TLL2: variants seen among roughly 807,000 people sequenced by gnomAD.
The protein encoded by TLL2 is tolloid-like protein 2.
Under a neutral mutation model 123.0 loss-of-function variants are expected in TLL2, and 106 were observed. The observed-to-expected ratio is 0.86, with a 90% CI of 0.74 to 1.01. The LOEUF (loss-of-function observed/expected upper bound fraction) is 1.01. TLL2 is among the 50% of genes least tolerant of loss of function. The pLI is 0.00. For synonymous variants in TLL2, 494 were observed against 516.8 expected (o/e 0.96, Z 0.60); for missense variants, 1,332 against 1,336.7 (o/e 1.00, Z 0.06).
chr10:96,487,925 A>G (rs1589434904), intron 1 of TLL2, among the ~76,000 whole-genome samples: 1 of 152,304 alleles, frequency 6.6e-6, no homozygotes, highest in African/African-American at 2.4e-5. Flanking sequence ...AAGGAAAGTC[A>G]TCACACGGTG....
intron 17 of TLL2, among the ~76,000 whole-genome samples, chr10:96,377,498 C>T (rs11188740): frequency 0.11 from 16,812 of 152,282 alleles, 978 homozygotes; most frequent in South Asian, 0.14. Flanking sequence ...ATTTTCCATG[C>T]ATCCTCTCTT....
chr10:96,380,121 A>C (rs1846172647), intron 16 of TLL2, among the ~76,000 whole-genome samples: 1 of 152,208 alleles, frequency 6.6e-6, no homozygotes, highest in Admixed American at 6.5e-5. Flanking sequence ...GGAGGGGTAA[A>C]TTAATTAGAG....
At chr10:96,431,627 T>G (rs1846741612) in intron 4 of TLL2, among the ~76,000 whole-genome samples, 1 of 152,128 alleles carries the variant, frequency 6.6e-6, no homozygotes, top group Non-Finnish European at 1.5e-5. Flanking sequence ...CGCCCTGCTC[T>G]AGGTGTTGGA....
intron 9 of TLL2, among the ~76,000 whole-genome samples, chr10:96,406,337 TCTGGCCCAGGCTCAC>T (rs1332834089): frequency 6.6e-6 from 1 of 152,106 alleles, no homozygotes; most frequent in Non-Finnish European, 1.5e-5. Context: ...CAGTGGCTTG[TCTGGCCCAGGCTCAC>T]CTTTCCTCAT....
rs973902693 is a variant in TLL2, at chr10:96,444,586, T to C, written c.364+1505A>G. On this transcript the variant is annotated intron_variant, in intron 3 of 20. Transcript: ENST00000357947. ...ATATCTCTGTATATATATCAATGTA[T>C]GTGCATGGAGAAAAATATGAAGGCT... Among the ~76,000 whole-genome samples the C allele has an allele frequency of 3.9e-5, 6 of 152,202 alleles. No individual in the cohort carries two copies. The South Asian group carries it at 1.0e-3, about 26-fold the overall frequency.
At chr10:96,407,873 A>ACGTGTGTG (rs1846466219) in intron 9 of TLL2, among the ~76,000 whole-genome samples, 1 of 152,020 alleles carries the variant, frequency 6.6e-6, no homozygotes, top group Non-Finnish European at 1.5e-5. Flanking sequence ...GTGTGCGCAC[A>ACGTGTGTG]CGTGTGTGCG....
intron 2 of TLL2, among the ~76,000 whole-genome samples, chr10:96,477,974 T>TGCTCTATCA (rs1219518903): frequency 6.6e-6 from 1 of 152,236 alleles, no homozygotes; most frequent in Non-Finnish European, 1.5e-5. Flanking sequence ...GTAGGCTCTG[T>TGCTCTATCA]GCTCTATCAG....
intron 9 of TLL2, among the ~76,000 whole-genome samples, chr10:96,408,808 G>A (rs1846475306): frequency 6.6e-6 from 1 of 152,240 alleles, no homozygotes; most frequent in Non-Finnish European, 1.5e-5. Flanking sequence ...TGACAGTCAA[G>A]CATTCAGGCT....
rs575656240 is a variant in TLL2, at chr10:96,365,271, C to T, written c.*2817G>A. ...GGAAACTTCACCTTACAGGTAAATA[C>T]CTCTAAATATTTACCTTAGAGGAAA... On this transcript the variant is annotated 3_prime_UTR_variant, in exon 21 of 21. Coordinates refer to ENST00000357947, the MANE Select transcript of TLL2 (RefSeq NM_012465.4). The T allele has an allele frequency of 3.3e-5, 5 of 152,314 alleles. No individual in the cohort carries two copies. In the South Asian group the frequency reaches 1.0e-3, roughly 32 times the overall value. The allele number at this position is 152,314 out of a possible 1,614,324, so 9.4% of individuals were successfully genotyped here.
intron 16 of TLL2, among the ~76,000 whole-genome samples, chr10:96,379,504 GCTGT>G (rs1564894280): frequency 1.3e-5 from 2 of 152,174 alleles, no homozygotes; most frequent in African/African-American, 4.8e-5. Flanking sequence ...TTAGCAGGGA[GCTGT>G]CTATCTGTCA....
At chr10:96,465,010 G>A (rs1376637536) in intron 2 of TLL2, among the ~76,000 whole-genome samples, 18 of 152,204 alleles carry the variant, frequency 1.2e-4, no homozygotes, top group Admixed American at 1.2e-3. Context: ...TGTCTCAGAA[G>A]GCAAGCCAGA....
intron 9 of TLL2, 55 bp downstream of exon 9, chr10:96,410,304 A>G (rs755408142): frequency 5.5e-5 from 75 of 1,354,874 alleles, no homozygotes; most frequent in Non-Finnish European, 7.2e-5. Context: ...AACTCCTCCC[A>G]CCTCACCCAA....
chr10:96,371,322 A>G (rs960008125), intron 19 of TLL2, among the ~76,000 whole-genome samples: 4 of 97,042 alleles, frequency 4.1e-5, no homozygotes, highest in South Asian at 7.5e-4. Flanking sequence ...CTCCGTATCA[A>G]AAAAAAAAAA....
intron 5 of TLL2, among the ~76,000 whole-genome samples, chr10:96,428,176 T>G (rs1433655245): frequency 6.6e-6 from 1 of 152,204 alleles, no homozygotes; most frequent in Non-Finnish European, 1.5e-5. Flanking sequence ...ACAGATAACT[T>G]TAGTCATAAG....
chr10:96,425,259 TTCTC>T (rs5787184), intron 5 of TLL2, among the ~76,000 whole-genome samples: 2,242 of 144,304 alleles, frequency 0.016, 35 homozygotes, highest in African/African-American at 0.042. Flanking sequence ...CATTACTGTT[TTCTC>T]TCTCTCTCTC....
chr10:96,422,688 C>T lies in TLL2; in HGVS notation c.678G>A (p.Gln226=). Residue 226 remains glutamine (Q), a synonymous_variant, in exon 6 of 21, where the codon CAG becomes CAA. Coordinates refer to ENST00000357947, the MANE Select transcript of TLL2 (RefSeq NM_012465.4). ...SYVGRRGGGP[Q]AISIGKNCDK... ...CACAGTTCTTCCCAATGGATATGGC[C>T]TGTGGGCCTCCTCCTCGGCGCCCAA... 1 of 1,614,226 alleles carries T rather than the reference C, an allele frequency of 6.2e-7. No individual in the cohort carries two copies. Among genetic ancestry groups the T allele is most frequent in the Non-Finnish European group, 8.5e-7 (1 of 1,180,034 alleles).
chr10:96,395,818 G>A, intron 12 of TLL2, 57 bp downstream of exon 12: 1 of 1,604,540 alleles, frequency 6.2e-7, no homozygotes, highest in Admixed American at 1.7e-5. Context: ...TTACAGAGTG[G>A]AGGATGTCTA....
intron 1 of TLL2, among the ~76,000 whole-genome samples, chr10:96,500,295 G>T (rs1239340339): frequency 6.6e-6 from 1 of 151,984 alleles, no homozygotes; most frequent in African/African-American, 2.4e-5. Context: ...TTTAGCCTGG[G>T]TGACAGTGAG....
Position 96,499,457 on chromosome 10 carries a change from T to C in TLL2, c.175+14054A>G, listed in dbSNP as rs1470897857. 2.6e-5 allele frequency among the ~76,000 whole-genome samples: 4 copies of C among 152,322 alleles called. No individual in the cohort carries two copies. In the East Asian group the frequency reaches 7.7e-4, roughly 29 times the overall value. On this transcript the variant is annotated intron_variant, in intron 1 of 20. Transcript: ENST00000357947. ...TCAACCCCCTTTTCCTAGTTGATAATTATATTACATTTTCTAATTACTGTT... is the reference window on the plus strand; with the variant it reads ...TCAACCCCCTTTTCCTAGTTGATAACTATATTACATTTTCTAATTACTGTT...
Sources: allele counts gnomAD v4.1 joint callset (sites outside exome capture counted in the v4.1 genomes callset), GRCh38; gene constraint gnomAD v4.1.1; transcripts MANE v1.5; gene names NCBI Gene and HGNC (gene_info 2026-07-23, HGNC 2026-07-21).